DOCK11: variants seen among roughly 807,000 people sequenced by gnomAD.
The protein encoded by DOCK11 is dedicator of cytokinesis 11.
In DOCK11, 70 loss-of-function variants were observed where a neutral mutation model predicts 169.1. The observed-to-expected ratio is 0.41, with a 90% CI of 0.34 to 0.51. The LOEUF (loss-of-function observed/expected upper bound fraction) is 0.51, where lower values mean the gene tolerates loss of function less well. Ranked by LOEUF, DOCK11 falls within the 20% of genes least tolerant of loss-of-function variation. DOCK11 has a pLI of 0.10. For missense variants in DOCK11, 1,166 were observed against 1,538.8 expected, an observed-to-expected ratio of 0.76 and a Z score of 4.05; for synonymous variants, 529 against 541.3, an observed-to-expected ratio of 0.98 and a Z score of 0.32.
chrX:118,654,739 T>C lies in DOCK11; in HGVS notation c.4833T>C (p.Tyr1611=), dbSNP rs1378419057. ...TCCAGTATAGCTTAGCCAAGTCCTA[T>C]GCAAGCACCCCAGAGCTCAGGAAAA... The part of the protein sequence containing the change: ...IDLQYSLAKS[Y]ASTPELRKTW... Residue 1611 remains tyrosine, a synonymous_variant, in exon 43 of 53, where the codon TAT becomes TAC. Transcript: ENST00000276202. The C allele has an allele frequency of 8.3e-7, 1 of 1,210,210 alleles. No individual in the cohort carries two copies. The highest frequency in any genetic ancestry group is 1.1e-6 in the Non-Finnish European group (1 of 895,358).
At chrX:118,632,760 A>C (rs2015276602) in intron 35 of DOCK11, 1 of 109,567 alleles carries the variant, frequency 9.1e-6, no homozygotes, top group Admixed American at 9.8e-5. Context: ...TTATAGCTGC[A>C]TTTTATTAAT....
At chrX:118,555,051 C>T (rs1478516871) in intron 6 of DOCK11, among the ~76,000 whole-genome samples, 8 of 111,572 alleles carry the variant, frequency 7.2e-5, no homozygotes, top group Non-Finnish European at 1.1e-4. Flanking sequence ...AATTGAGAGT[C>T]ATTGATTATT....
At chrX:118,500,808 T>C (rs1299451329) in intron 1 of DOCK11, among the ~76,000 whole-genome samples, 1 of 110,412 alleles carries the variant, frequency 9.1e-6, no homozygotes, top group Non-Finnish European at 1.9e-5. Flanking sequence ...GTTTTTGTTT[T>C]GTTTTGTTTT....
intron 36 of DOCK11, 140 bp from the exon 37 acceptor site, chrX:118,637,940 A>G (rs1488582978): frequency 6.3e-5 from 29 of 463,305 alleles, no homozygotes; most frequent in Non-Finnish European, 1.4e-5. Context: ...TTATCTATGT[A>G]TTTCTGTATA....
intron 24 of DOCK11, among the ~76,000 whole-genome samples, chrX:118,606,351 G>A (rs1055129501): frequency 5.4e-5 from 6 of 112,149 alleles, no homozygotes; most frequent in African/African-American, 1.9e-4. Context: ...ACAGGCGTGA[G>A]CCACCGCTTC....
intron 1 of DOCK11, among the ~76,000 whole-genome samples, chrX:118,500,343 C>T (rs1184278440): frequency 9.0e-6 from 1 of 111,442 alleles, no homozygotes; most frequent in East Asian, 2.8e-4. Context: ...CCACCGCGCC[C>T]GGCCTTCATT....
chrX:118,629,817 T>TA (rs1491333477), intron 34 of DOCK11, among the ~76,000 whole-genome samples: 1 of 10,742 alleles, frequency 9.3e-5, no homozygotes, highest in Non-Finnish European at 3.5e-4. Flanking sequence ...CCCAGCTAAA[T>TA]TTTTTTTTTT....
chrX:118,596,469 TCACA>T (rs916363980), intron 20 of DOCK11, among the ~76,000 whole-genome samples: 11 of 112,212 alleles, frequency 9.8e-5, no homozygotes, highest in Admixed American at 9.5e-4. Context: ...ACACACACAC[TCACA>T]CACAGAGTCA....
intron 44 of DOCK11, 79 bp from the exon 45 acceptor site, chrX:118,662,607 G>T (rs2016243029): frequency 2.0e-6 from 1 of 500,977 alleles, no homozygotes; most frequent in Non-Finnish European, 3.4e-6. Context: ...ATTTTAAATA[G>T]CCCATCTCTG....
chrX:118,616,196 A>T, intron 30 of DOCK11: 1 of 954,595 alleles, frequency 1.0e-6, no homozygotes, highest in South Asian at 2.1e-5. Flanking sequence ...TTCATATATT[A>T]ATTAGATTTT....
chrX:118,634,387 T>TG (rs1239862336), intron 35 of DOCK11, among the ~76,000 whole-genome samples: 3 of 112,562 alleles, frequency 2.7e-5, no homozygotes, highest in African/African-American at 9.7e-5. Flanking sequence ...ATGGCGGACT[T>TG]GCAGTGGATT....
At chrX:118,576,876 C>T (rs910376754) in intron 12 of DOCK11, among the ~76,000 whole-genome samples, 1 of 112,220 alleles carries the variant, frequency 8.9e-6, no homozygotes, top group African/African-American at 3.2e-5. Flanking sequence ...GCAATCCTCC[C>T]GCCTCAGCCT....
rs369400679 is a variant in DOCK11, at chrX:118,649,036, C to T, written c.4490C>T (p.Thr1497Ile). 1 of 1,206,641 alleles carries T rather than the reference C, an allele frequency of 8.3e-7. No individual in the cohort carries two copies. The highest frequency in any genetic ancestry group is 1.1e-6 in the Non-Finnish European group (1 of 893,101). ...LKCCTSKISS[T>I]RNEASALLYL... is the part of the protein sequence containing the mutation. ...TGCTGCACATCGAAGATTAGCTCAACCAGGAATGAAGCATCTGCACTTTTG... is the reference window on the plus strand; with the variant it reads ...TGCTGCACATCGAAGATTAGCTCAATCAGGAATGAAGCATCTGCACTTTTG... Residue 1497 changes from threonine (T) to isoleucine (I), a missense_variant, in exon 41 of 53, where the codon ACC (threonine) becomes ATC (isoleucine). Thr to Ile is a moderately conservative substitution (Grantham distance 89). Coordinates refer to ENST00000276202, the MANE Select transcript of DOCK11 (RefSeq NM_144658.4).
chrX:118,644,682 A>C (rs1287170), intron 40 of DOCK11, among the ~76,000 whole-genome samples: 56,485 of 110,420 alleles, frequency 0.51, 11,202 homozygotes, highest in East Asian at 0.86. Context: ...AATTTAGCAA[A>C]AGTTTTTCTG....
chrX:118,538,290 T>A (rs779418218), intron 1 of DOCK11, among the ~76,000 whole-genome samples: 5 of 112,122 alleles, frequency 4.5e-5, no homozygotes, highest in African/African-American at 1.6e-4. Context: ...AACTTAGGCC[T>A]CTGAGCCAGT....
intron 1 of DOCK11, among the ~76,000 whole-genome samples, chrX:118,522,106 GC>G (rs1231678170): frequency 2.7e-5 from 3 of 111,329 alleles, no homozygotes; most frequent in Non-Finnish European, 5.7e-5. Context: ...ATCACTTGAG[GC>G]CAGGAGTTTG....
intron 1 of DOCK11, among the ~76,000 whole-genome samples, chrX:118,500,709 C>T (rs1173091196): frequency 9.0e-6 from 1 of 110,937 alleles, no homozygotes; most frequent in Non-Finnish European, 1.9e-5. Flanking sequence ...CAGCTTTGAC[C>T]TTTGGGACTC....
intron 46 of DOCK11, among the ~76,000 whole-genome samples, chrX:118,672,938 A>T (rs2016521833): frequency 8.9e-6 from 1 of 111,757 alleles, no homozygotes; most frequent in Admixed American, 9.5e-5. Flanking sequence ...ATGCCTGAAA[A>T]CTCATAGTAG....
At chrX:118,637,921 C>T (rs185484620) in intron 36 of DOCK11, among the ~76,000 whole-genome samples, 159 bp from the exon 37 acceptor site, 278 of 111,334 alleles carry the variant, frequency 2.5e-3, no homozygotes, top group African/African-American at 8.7e-3. Context: ...ATGGCAAGCC[C>T]GCAATTAATT....
Sources: gnomAD v4.1 joint callset for allele counts (sites outside exome capture counted in the v4.1 genomes callset) on GRCh38, gnomAD v4.1.1 for gene constraint, MANE v1.5 for transcripts, NCBI Gene and HGNC (gene_info 2026-07-23, HGNC 2026-07-21) for gene names.